Variants in ITPRID1 observed in about 807,000 individuals in gnomAD.
ITPRID1 encodes ITPR interacting domain containing 1.
Under a neutral mutation model 95.4 loss-of-function variants are expected in ITPRID1, and 96 were observed. That is an observed-to-expected ratio of 1.01 (90% CI 0.85 to 1.19). ITPRID1 has a LOEUF of 1.19. Among genes scored for constraint, ITPRID1 ranks in the 50% most tolerant of loss-of-function variants. The pLI is 0.00. For synonymous variants in ITPRID1, 510 were observed against 453.6 expected (o/e 1.12, Z -1.58); for missense variants, 1,339 against 1,252.9 (o/e 1.07, Z -1.04).
chr7:31,585,967 C>A (rs1785582071), intron 10 of ITPRID1, among the ~76,000 whole-genome samples: 2 of 146,460 alleles, frequency 1.4e-5, no homozygotes, highest in Non-Finnish European at 1.5e-5. Flanking sequence ...TTAGGTATAT[C>A]TCCCGATGCT....
chr7:31,622,112 T>G (rs543050705), intron 10 of ITPRID1, among the ~76,000 whole-genome samples: 17,836 of 135,414 alleles, frequency 0.13, 1,371 homozygotes, highest in African/African-American at 0.2. Flanking sequence ...AAGCAAGTCC[T>G]GAGTGACCTA....
chr7:31,641,347 G>T (rs966960154), intron 10 of ITPRID1, among the ~76,000 whole-genome samples: 2 of 152,200 alleles, frequency 1.3e-5, no homozygotes, highest in African/African-American at 2.4e-5. Flanking sequence ...TAATCTCCCA[G>T]GACAGACAAG....
intron 5 of ITPRID1, among the ~76,000 whole-genome samples, chr7:31,556,788 G>A (rs1301274759): frequency 6.6e-6 from 1 of 151,956 alleles, no homozygotes; most frequent in East Asian, 1.9e-4. Flanking sequence ...ATTTCCTAGG[G>A]CAGCAGTAAC....
At chr7:31,619,684 A>G (rs951277991) in intron 10 of ITPRID1, among the ~76,000 whole-genome samples, 2 of 152,120 alleles carry the variant, frequency 1.3e-5, no homozygotes, top group Non-Finnish European at 2.9e-5. Context: ...AGCCACGCAG[A>G]AGACGGGTGA....
At chr7:31,572,755 A>T (rs1785036259) in intron 7 of ITPRID1, among the ~76,000 whole-genome samples, 1 of 152,170 alleles carries the variant, frequency 6.6e-6, no homozygotes, top group Non-Finnish European at 1.5e-5. Flanking sequence ...TATTACTTAA[A>T]AAGTTAATGA....
intron 10 of ITPRID1, among the ~76,000 whole-genome samples, chr7:31,604,698 T>G (rs539382568): frequency 2.0e-5 from 3 of 152,338 alleles, no homozygotes; most frequent in African/African-American, 7.2e-5. Flanking sequence ...AAGAGCATGC[T>G]TTTCTATGCT....
At chr7:31,638,034 C>G (rs10281599) in intron 10 of ITPRID1, among the ~76,000 whole-genome samples, 6,799 of 152,128 alleles carry the variant, frequency 0.045, 485 homozygotes, top group African/African-American at 0.15. Context: ...GATGGGCTGC[C>G]CTCTCAACAG....
rs542211095 is a variant in ITPRID1, at chr7:31,613,566, G to A, written c.1229-28610G>A. Among the ~76,000 whole-genome samples the A allele has an allele frequency of 3.9e-5, 6 of 152,186 alleles. No individual in the cohort carries two copies. The East Asian group carries it at 9.7e-4, about 25-fold the overall frequency. On this transcript the variant is annotated intron_variant, in intron 10 of 14. Coordinates refer to ENST00000615280, the MANE Select transcript of ITPRID1 (RefSeq NM_001257967.3). ...CTATATTTGCTCTGTTTGTTAGTCA[G>A]TAACAATGAATTTCAATTTTTCTGC...
Position 31,643,506 on chromosome 7 carries a change from G to A in ITPRID1, c.2136G>A (p.Met712Ile). The change falls in exon 12 of 15, where the codon ATG becomes ATA. Residue 712 changes from methionine (M) to isoleucine (I), a missense_variant. By Grantham distance (10) the Met-to-Ile change is conservative. Transcript: ENST00000615280. ...GCTCCAGGTCTGTAATGACCCAGAT[G>A]TCCTCCAGCCTGGTGTCGGCTGCTC... ...TGSSRSVMTQ[M>I]SSSLVSAAQR... The A allele has an allele frequency of 6.2e-7, 1 of 1,614,018 alleles. No homozygotes were observed. Among genetic ancestry groups the A allele is most frequent in the Non-Finnish European group, 8.5e-7 (1 of 1,179,904 alleles).
chr7:31,516,230 T>A (rs930126567), intron 1 of ITPRID1, among the ~76,000 whole-genome samples: 2 of 152,198 alleles, frequency 1.3e-5, no homozygotes, highest in Admixed American at 6.5e-5. Flanking sequence ...CACCTGGATG[T>A]CTTATTGCAC....
At chr7:31,637,598 G>A (rs541954923) in intron 10 of ITPRID1, among the ~76,000 whole-genome samples, 11 of 152,148 alleles carry the variant, frequency 7.2e-5, no homozygotes, top group South Asian at 4.1e-4. Context: ...GTTTTTTCTC[G>A]TAAATTTGTT....
intron 12 of ITPRID1, among the ~76,000 whole-genome samples, chr7:31,647,059 C>A (rs1049754512): frequency 2.6e-5 from 4 of 152,204 alleles, no homozygotes; most frequent in African/African-American, 4.8e-5. Flanking sequence ...TATTTATACT[C>A]CTATGCAGGC....
Position 31,633,092 on chromosome 7 carries a change from G to A in ITPRID1, c.1229-9084G>A, listed in dbSNP as rs960174941. Among the ~76,000 whole-genome samples, 19 of 151,872 alleles carry A rather than the reference G, an allele frequency of 1.3e-4. 1 individual carries two copies. The highest frequency in any genetic ancestry group is 6.3e-3 in the Middle Eastern group (2 of 316). On this transcript the variant is annotated intron_variant, in intron 10 of 14. Transcript: ENST00000615280. ...AGTAAAGACAGGGTTTCACCATGTTGGCCAGGCTGGTCTCTATCTCCTGAC... is the reference window on the plus strand; with the variant it reads ...AGTAAAGACAGGGTTTCACCATGTTAGCCAGGCTGGTCTCTATCTCCTGAC...
At position 31,651,027 on chromosome 7, in the gene ITPRID1, G is replaced by A. The variant is rs943515790; in HGVS notation, c.2584-115G>A. ...CTATTCCCTCCCCCTTATATTAGCA[G>A]TAGGGCCTGTTTGCGAAAAAAGGGA... On this transcript the variant is annotated intron_variant, in intron 12 of 14. Transcript: ENST00000615280. The A allele has an allele frequency of 1.0e-5, 12 of 1,145,038 alleles. No homozygotes were observed. The African/African-American group carries it at 1.6e-4, about 15-fold the overall frequency. 70.9% of individuals were successfully genotyped at this position (1,145,038 alleles called of 1,614,324 possible).
intron 10 of ITPRID1, among the ~76,000 whole-genome samples, chr7:31,614,439 T>C (rs1429935796): frequency 2.0e-5 from 3 of 152,288 alleles, no homozygotes; most frequent in South Asian, 4.1e-4. Context: ...CAAATATTTA[T>C]TGAGCACCCA....
intron 10 of ITPRID1, among the ~76,000 whole-genome samples, chr7:31,622,620 A>T (rs1788023484): frequency 2.0e-5 from 3 of 152,076 alleles, no homozygotes; most frequent in Admixed American, 2.0e-4. Flanking sequence ...GTGTAGAGGG[A>T]AATTTATAGC....
chr7:31,657,417 C>T (rs1176832065), downstream of ITPRID1, among the ~76,000 whole-genome samples: 1 of 152,190 alleles, frequency 6.6e-6, no homozygotes. Context: ...ACAAAGATCT[C>T]ATTGCTATAG....
rs553744294 is a variant in ITPRID1 at position 31,645,596 on chromosome 7, A to G, written c.2583+1643A>G. Reference sequence around the variant, plus strand: ...TAGGGTCGTCATCACCATAACCATCATCACCACCACCCACCACCACCATCA... The same window carrying G: ...TAGGGTCGTCATCACCATAACCATCGTCACCACCACCCACCACCACCATCA... On this transcript the variant is annotated intron_variant, in intron 12 of 14. Transcript: ENST00000615280. Among the ~76,000 whole-genome samples the G allele has an allele frequency of 5.3e-5, 8 of 150,512 alleles. No homozygotes were observed. The South Asian group carries it at 1.7e-3, about 31-fold the overall frequency.
At chr7:31,648,727 G>T (rs770009499) in intron 12 of ITPRID1, among the ~76,000 whole-genome samples, 1 of 152,156 alleles carries the variant, frequency 6.6e-6, no homozygotes. Context: ...GAACCAGTTG[G>T]GAAGTCTTGG....
Sources: allele counts gnomAD v4.1 joint callset (sites outside exome capture counted in the v4.1 genomes callset), GRCh38; gene constraint gnomAD v4.1.1; transcripts MANE v1.5; gene names NCBI Gene and HGNC (gene_info 2026-07-23, HGNC 2026-07-21).